The following MAF variants were observed in gnomAD, a reference collection of about 807,000 sequenced individuals.
MAF encodes the protein transcription factor Maf.
A neutral mutation model predicts 22.0 loss-of-function variants in MAF; 10 were observed. The observed-to-expected ratio is 0.45, with a 90% CI of 0.28 to 0.77. The LOEUF (loss-of-function observed/expected upper bound fraction) is 0.77, where lower values mean the gene tolerates loss of function less well. Among genes scored for constraint, MAF ranks in the 30% least tolerant of loss-of-function variants. The pLI, the probability that MAF is intolerant of heterozygous loss-of-function variation, is 0.12. For missense variants in MAF, 544 were observed against 548.4 expected, an observed-to-expected ratio of 0.99 and a Z score of 0.08; for synonymous variants, 337 against 255.8, an observed-to-expected ratio of 1.32 and a Z score of -3.03.
the MAF span, among the ~76,000 whole-genome samples, chr16:79,481,246 T>TA: frequency 6.6e-6 from 1 of 151,604 alleles, no homozygotes; most frequent in African/African-American, 2.4e-5. Context: ...TTTTTTTTTT[T>TA]AACACTGTTA....
downstream of MAF, among the ~76,000 whole-genome samples, chr16:79,583,256 A>C (rs1912635249): frequency 1.3e-5 from 2 of 152,188 alleles, no homozygotes; most frequent in African/African-American, 4.8e-5. Context: ...TCCCCAGTTC[A>C]CAAAATCATA....
At chr16:79,419,436 G>C in the MAF span, among the ~76,000 whole-genome samples, 1 of 152,192 alleles carries the variant, frequency 6.6e-6, no homozygotes, top group Non-Finnish European at 1.5e-5. Context: ...CCTAGGTTTG[G>C]AAATCAGTGA....
the MAF span, among the ~76,000 whole-genome samples, chr16:79,578,425 T>C: frequency 6.6e-6 from 1 of 152,210 alleles, no homozygotes; most frequent in Non-Finnish European, 1.5e-5. Flanking sequence ...TCATGATCAA[T>C]TTCTTCTCTA....
the MAF span, among the ~76,000 whole-genome samples, chr16:79,262,093 T>C: frequency 6.6e-6 from 1 of 152,118 alleles, no homozygotes; most frequent in Non-Finnish European, 1.5e-5. Flanking sequence ...AGGGGGCTAA[T>C]ATTTGGAGAG....
the MAF span, among the ~76,000 whole-genome samples, chr16:79,289,867 T>TTTTTTTTTTTTTTTTTC: frequency 8.4e-6 from 1 of 118,506 alleles, no homozygotes; most frequent in Non-Finnish European, 1.7e-5. Context: ...TTTTTTTTTT[T>TTTTTTTTTTTTTTTTTC]TGTGAGACGG....
rs1050530433 is a variant in MAF, at chr16:79,595,867, GAAGT to G, written c.1119-1318_1119-1315del. 64 of 1,058,590 alleles carry G rather than the reference GAAGT, an allele frequency of 6.0e-5. No homozygotes were observed. In the East Asian group the frequency reaches 1.1e-3, roughly 19 times the overall value. The allele number at this position is 1,058,590 out of a possible 1,614,324, so 65.6% of individuals were successfully genotyped here. A position where few individuals can be genotyped will look rare whatever the true frequency, so the allele number is the denominator to read the frequency against. On this transcript the variant is annotated intron_variant, in intron 1 of 1. Transcript: ENST00000326043. ...AACCAGATATGTACTTGGAAATATGGAAGTAAGGAGTGGATTTTCTTTTTCCTAT... is the reference window on the plus strand; with the variant it reads ...AACCAGATATGTACTTGGAAATATGGAAGGAGTGGATTTTCTTTTTCCTAT...
the MAF span, among the ~76,000 whole-genome samples, chr16:79,512,176 C>T: frequency 5.3e-5 from 8 of 152,302 alleles, no homozygotes; most frequent in Non-Finnish European, 7.4e-5. Flanking sequence ...GATCTTTCAT[C>T]CTCTACCCTT....
At chr16:79,211,125 A>G in the MAF span, among the ~76,000 whole-genome samples, 1 of 152,060 alleles carries the variant, frequency 6.6e-6, no homozygotes, top group African/African-American at 2.4e-5. Flanking sequence ...GCATAAAGGG[A>G]TGATCTGGCA....
chr16:79,256,191 T>C, the MAF span, among the ~76,000 whole-genome samples: 1 of 151,502 alleles, frequency 6.6e-6, no homozygotes, highest in Non-Finnish European at 1.5e-5. Flanking sequence ...GATTTCACCA[T>C]GTTAGACAGG....
the MAF span, among the ~76,000 whole-genome samples, chr16:79,570,556 A>C: frequency 6.6e-6 from 1 of 152,148 alleles, no homozygotes; most frequent in African/African-American, 2.4e-5. Context: ...GCAGATATAC[A>C]TTTGATACTC....
At chr16:79,447,891 C>CAAAAAA in the MAF span, among the ~76,000 whole-genome samples, 50 of 72,420 alleles carry the variant, frequency 6.9e-4, no homozygotes, top group South Asian at 9.4e-4. Context: ...GATTCCATCT[C>CAAAAAA]AAAAAAAAAA....
At chr16:79,594,743 C>A in intron 1 of MAF, 190 bp from the exon 2 acceptor site, 1 of 1,391,398 alleles carries the variant, frequency 7.2e-7, no homozygotes, top group South Asian at 1.6e-5. Context: ...TTTGCTACTC[C>A]CACTATACTT....
At chr16:79,490,257 G>A in the MAF span, among the ~76,000 whole-genome samples, 47 of 152,296 alleles carry the variant, frequency 3.1e-4, no homozygotes, top group African/African-American at 1.1e-3. Flanking sequence ...AGGCACGGCT[G>A]GAAATCTCCC....
At chr16:79,476,770 G>A in the MAF span, among the ~76,000 whole-genome samples, 1 of 152,190 alleles carries the variant, frequency 6.6e-6, no homozygotes, top group Non-Finnish European at 1.5e-5. Context: ...GAGTCACATG[G>A]TACCAGGCTG....
chr16:79,576,231 TAAAA>T, the MAF span, among the ~76,000 whole-genome samples: 8 of 43,008 alleles, frequency 1.9e-4, no homozygotes, highest in African/African-American at 4.6e-4. Flanking sequence ...CCTGTGGTAC[TAAAA>T]AAAAAAAAAA....
chr16:79,428,630 A>G, the MAF span, among the ~76,000 whole-genome samples: 1 of 152,184 alleles, frequency 6.6e-6, no homozygotes, highest in East Asian at 1.9e-4. Flanking sequence ...ACTTGAGGCC[A>G]GGGTTTTGAG....
At chr16:79,595,457 G>A (rs768290965) in intron 1 of MAF, 34 of 1,057,132 alleles carry the variant, frequency 3.2e-5, no homozygotes, top group African/African-American at 9.9e-5. Flanking sequence ...AAAAGTCATC[G>A]TGTTTGGCTG....
chr16:79,507,438 T>C, the MAF span, among the ~76,000 whole-genome samples: 2 of 144,754 alleles, frequency 1.4e-5, no homozygotes, highest in South Asian at 4.5e-4. Flanking sequence ...TTTTTTATTT[T>C]TTTTGAGACA....
At chr16:79,240,689 C>T in the MAF span, among the ~76,000 whole-genome samples, 2 of 151,876 alleles carry the variant, frequency 1.3e-5, no homozygotes, top group African/African-American at 4.8e-5. Context: ...AGCATTTGAG[C>T]TCTGCTAAGG....
Sources: gnomAD v4.1 joint callset for allele counts (sites outside exome capture counted in the v4.1 genomes callset) on GRCh38, gnomAD v4.1.1 for gene constraint, MANE v1.5 for transcripts, NCBI Gene and HGNC (gene_info 2026-07-23, HGNC 2026-07-21) for gene names.